ARHGAP32: variants seen among roughly 807,000 people sequenced by gnomAD.
The protein encoded by ARHGAP32 is rho GTPase-activating protein 32.
Under a neutral mutation model 186.5 loss-of-function variants are expected in ARHGAP32, and 51 were observed. The observed-to-expected ratio is 0.27, with a 90% CI of 0.22 to 0.35. The LOEUF is 0.35. Among genes scored for constraint, ARHGAP32 ranks in the 10% least tolerant of loss-of-function variants. The probability of loss-of-function intolerance (pLI) is 1.00; values close to 1 mark genes in which losing one functional copy is unlikely to be tolerated. For synonymous variants in ARHGAP32, 950 were observed against 964.3 expected, an observed-to-expected ratio of 0.99 and a Z score of 0.27; for missense variants, 2,186 against 2,623.5, an observed-to-expected ratio of 0.83 and a Z score of 3.64.
In ARHGAP32 at chr11:129,154,725, C is replaced by T. The variant is rs190009656; in HGVS notation, c.225+9594G>A. Among the ~76,000 whole-genome samples the T allele has an allele frequency of 1.9e-3, 292 of 152,032 alleles. 1 individual carries two copies. Among genetic ancestry groups the T allele is most frequent in the Non-Finnish European group, 2.8e-3 (191 of 67,948 alleles). ...GACTGATATAATGGACTTTGGCACT[C>T]GAGGGGAAGGGTGGGAGGTGAGTGA... is the stretch of plus-strand genomic sequence containing the variant. On this transcript the variant is annotated intron_variant, in intron 2 of 22. Transcript: ENST00000682385.
chr11:129,237,066 T>C (rs1219271365), intron 1 of ARHGAP32, among the ~76,000 whole-genome samples: 1 of 152,236 alleles, frequency 6.6e-6, no homozygotes, highest in South Asian at 2.1e-4. Context: ...GGCTTAAGTA[T>C]GTTAAACCAT....
chr11:129,183,199 C>T (rs34879554), intron 1 of ARHGAP32, among the ~76,000 whole-genome samples: 72 of 152,224 alleles, frequency 4.7e-4, no homozygotes, highest in Admixed American at 9.2e-4. Context: ...TACTTCTCTT[C>T]ATGTCCCACA....
intron 11 of ARHGAP32, among the ~76,000 whole-genome samples, chr11:129,023,591 G>A (rs910058513): frequency 2.0e-5 from 3 of 152,058 alleles, no homozygotes; most frequent in Non-Finnish European, 4.4e-5. Flanking sequence ...TTGGAAATAG[G>A]AGAAAAAAAG....
chr11:129,216,293 T>G (rs1944644334), intron 1 of ARHGAP32, among the ~76,000 whole-genome samples: 1 of 152,194 alleles, frequency 6.6e-6, no homozygotes, highest in Non-Finnish European at 1.5e-5. Flanking sequence ...TTTATTCAAA[T>G]CCTCCTCTGT....
At chr11:128,978,111 C>A (rs1436092675) in intron 19 of ARHGAP32, among the ~76,000 whole-genome samples, 1 of 152,038 alleles carries the variant, frequency 6.6e-6, no homozygotes, top group Non-Finnish European at 1.5e-5. Context: ...AGGTACTACC[C>A]TAATTTTCTA....
At chr11:129,278,690 C>G (rs1752042238) in intron 1 of ARHGAP32, among the ~76,000 whole-genome samples, 1 of 151,934 alleles carries the variant, frequency 6.6e-6, no homozygotes, top group South Asian at 2.1e-4. Flanking sequence ...AGACCTCTGG[C>G]CCCGCGGGGC....
intron 2 of ARHGAP32, among the ~76,000 whole-genome samples, chr11:129,130,484 T>C (rs1373694075): frequency 6.6e-6 from 1 of 151,942 alleles, no homozygotes; most frequent in East Asian, 1.9e-4. Flanking sequence ...ACAAGGAAGT[T>C]ATACTCAACA....
chr11:129,074,171 T>C (rs1940963364), intron 6 of ARHGAP32, among the ~76,000 whole-genome samples: 1 of 152,118 alleles, frequency 6.6e-6, no homozygotes. Context: ...GAAGAATAAG[T>C]GAATGTAAAA....
intron 1 of ARHGAP32, among the ~76,000 whole-genome samples, chr11:129,230,510 CTTT>C (rs1316497103): frequency 6.8e-6 from 1 of 147,694 alleles, no homozygotes; most frequent in East Asian, 2.0e-4. Context: ...ATTCTACTTA[CTTT>C]TTTAAAATTT....
intron 18 of ARHGAP32, among the ~76,000 whole-genome samples, chr11:128,979,192 A>G (rs1945638763): frequency 6.6e-6 from 1 of 152,192 alleles, no homozygotes; most frequent in South Asian, 2.1e-4. Context: ...AAACTGAAAA[A>G]TAAGTGAAAA....
intron 10 of ARHGAP32, among the ~76,000 whole-genome samples, chr11:129,057,570 G>A (rs1940303402): frequency 6.6e-6 from 1 of 151,864 alleles, no homozygotes; most frequent in Non-Finnish European, 1.5e-5. Flanking sequence ...CATAGCTGGG[G>A]GATTGGTTCC....
intron 1 of ARHGAP32, among the ~76,000 whole-genome samples, chr11:129,222,178 A>T (rs1944720774): frequency 6.6e-6 from 1 of 152,182 alleles, no homozygotes; most frequent in South Asian, 2.1e-4. Context: ...TCTAAAGCAT[A>T]TTCCCTCATC....
intron 1 of ARHGAP32, among the ~76,000 whole-genome samples, chr11:129,259,385 T>C (rs1945293360): frequency 6.6e-6 from 1 of 152,104 alleles, no homozygotes; most frequent in African/African-American, 2.4e-5. Context: ...GATATTTTCA[T>C]ACTGAGAGAT....
chr11:128,972,757 G>A lies in ARHGAP32; in HGVS notation c.3749C>T (p.Thr1250Ile). The A allele has an allele frequency of 6.2e-7, 1 of 1,614,020 alleles. No homozygotes were observed. The highest frequency in any genetic ancestry group is 8.5e-7 in the Non-Finnish European group (1 of 1,180,014). The change falls in exon 22 of 23, where the codon ACA becomes ATA. Residue 1250 changes from threonine to isoleucine, a missense_variant. Transcript: ENST00000682385. ...TTTATCGCTAGGTAAATTAGGAGGT[G>A]TGGGAGATTTGTCTGCAAATTCTAA... ...HPLEFADKSPTPPNLPSDKIY... is the reference protein window; with the variant it reads ...HPLEFADKSPIPPNLPSDKIY...
At chr11:129,127,478 C>T (rs1942689700) in intron 2 of ARHGAP32, among the ~76,000 whole-genome samples, 1 of 152,004 alleles carries the variant, frequency 6.6e-6, no homozygotes, top group Non-Finnish European at 1.5e-5. Flanking sequence ...ATATCCTAGC[C>T]TCTCAGTATA....
chr11:129,231,799 C>A (rs1293240950), intron 1 of ARHGAP32, among the ~76,000 whole-genome samples: 2 of 151,722 alleles, frequency 1.3e-5, no homozygotes, highest in Admixed American at 6.6e-5. Flanking sequence ...CAGAAGCAGG[C>A]GAATCACTTG....
chr11:129,028,738 T>C lies in ARHGAP32; in HGVS notation c.1045+12190A>G, dbSNP rs376214727. 2.8e-3 allele frequency among the ~76,000 whole-genome samples: 420 copies of C among 152,240 alleles called. 6 individuals carry two copies. The South Asian group carries it at 0.044, about 16-fold the overall frequency. On this transcript the variant is annotated intron_variant, in intron 11 of 22. Transcript: ENST00000682385. ...TATTAAATTTGCACTAGTGGACTAG[T>C]GGTGGAGAGGAGATGGGATTAGGGA...
chr11:129,085,164 C>A (rs1941347696), intron 6 of ARHGAP32, among the ~76,000 whole-genome samples: 1 of 151,962 alleles, frequency 6.6e-6, no homozygotes, highest in Admixed American at 6.5e-5. Context: ...GCTGAGACCA[C>A]AGGCACACAC....
rs147458548 is a variant in ARHGAP32 at position 129,104,336 on chromosome 11, T to C, written c.445-10629A>G. Among the ~76,000 whole-genome samples the C allele has an allele frequency of 2.3e-3, 357 of 152,230 alleles. 2 individuals carry two copies. Among genetic ancestry groups the C allele is most frequent in the African/African-American group, 7.8e-3 (326 of 41,578 alleles). Reference sequence around the variant, plus strand: ...TATGAAAGATGAAAAGTTAGAATTATCATCCTGAACAACACTAACATGGAG... The same window carrying C: ...TATGAAAGATGAAAAGTTAGAATTACCATCCTGAACAACACTAACATGGAG... On this transcript the variant is annotated intron_variant, in intron 5 of 22. Transcript: ENST00000682385.
Sources: gnomAD v4.1 joint callset for allele counts (sites outside exome capture counted in the v4.1 genomes callset) on GRCh38, gnomAD v4.1.1 for gene constraint, MANE v1.5 for transcripts, NCBI Gene and HGNC (gene_info 2026-07-23, HGNC 2026-07-21) for gene names.